The following ANKS1B variants were observed in gnomAD, a reference collection of about 807,000 sequenced individuals.
ANKS1B encodes the protein ankyrin repeat and sterile alpha motif domain-containing protein 1B.
A neutral mutation model predicts 148.3 loss-of-function variants in ANKS1B; 36 were observed. That is an observed-to-expected ratio of 0.24 (90% CI 0.19 to 0.32). The LOEUF (loss-of-function observed/expected upper bound fraction) is 0.32. ANKS1B is among the 10% of genes least tolerant of loss of function. ANKS1B has a pLI of 1.00. For missense variants in ANKS1B, 1,157 were observed against 1,542.6 expected, an observed-to-expected ratio of 0.75 and a Z score of 4.19; for synonymous variants, 542 against 560.8, an observed-to-expected ratio of 0.97 and a Z score of 0.47.
intron 17 of ANKS1B, among the ~76,000 whole-genome samples, chr12:98,839,031 C>T (rs1339443347): frequency 6.6e-6 from 1 of 152,222 alleles, no homozygotes; most frequent in Non-Finnish European, 1.5e-5. Flanking sequence ...TTGACCATGA[C>T]ATTTTTCTCT....
At chr12:99,968,942 T>C (rs976576836) in intron 1 of ANKS1B, among the ~76,000 whole-genome samples, 2 of 152,182 alleles carry the variant, frequency 1.3e-5, no homozygotes, top group Non-Finnish European at 2.9e-5. Context: ...AGGCCTCACC[T>C]GAAGCAGATG....
At chr12:99,127,237 C>T (rs1190470477) in intron 15 of ANKS1B, among the ~76,000 whole-genome samples, 1 of 152,066 alleles carries the variant, frequency 6.6e-6, no homozygotes, top group African/African-American at 2.4e-5. Flanking sequence ...GAGGACCTGC[C>T]CTGGAGATGC....
intron 24 of ANKS1B, among the ~76,000 whole-genome samples, chr12:98,777,182 G>A (rs201040026): frequency 6.6e-6 from 1 of 152,152 alleles, no homozygotes; most frequent in Non-Finnish European, 1.5e-5. Flanking sequence ...AACAGAGTGA[G>A]ACCCTGTCTC....
chr12:99,623,574 T>C (rs1439517163), intron 9 of ANKS1B, among the ~76,000 whole-genome samples: 1 of 151,852 alleles, frequency 6.6e-6, no homozygotes. Context: ...AATTAACATA[T>C]AAAACTTACT....
chr12:99,510,533 A>G (rs189059745), intron 9 of ANKS1B, among the ~76,000 whole-genome samples: 1 of 152,148 alleles, frequency 6.6e-6, no homozygotes, highest in African/African-American at 2.4e-5. Flanking sequence ...GAGCCTGAAT[A>G]TAGGACTGAA....
At chr12:99,317,434 T>C (rs991257816) in intron 12 of ANKS1B, among the ~76,000 whole-genome samples, 1 of 152,236 alleles carries the variant, frequency 6.6e-6, no homozygotes, top group Non-Finnish European at 1.5e-5. Flanking sequence ...CAATTGTGAA[T>C]GGGAGTTCAC....
chr12:99,499,968 C>T (rs1187496439), intron 10 of ANKS1B, among the ~76,000 whole-genome samples: 1 of 151,552 alleles, frequency 6.6e-6, no homozygotes, highest in African/African-American at 2.4e-5. Flanking sequence ...AAAGCCAGTG[C>T]CTGTCAAGCC....
In ANKS1B at chr12:99,667,353, A is replaced by AAAAAAGAAAAGAAAAGAAAAG. The variant is rs1555536431; in HGVS notation, c.1129-12144_1129-12143insCTTTTCTTTTCTTTTCTTTTT. 2.0e-5 allele frequency among the ~76,000 whole-genome samples: 3 copies of AAAAAAGAAAAGAAAAGAAAAG among 148,084 alleles called. No homozygotes were observed. In the East Asian group the frequency reaches 6.1e-4, roughly 30 times the overall value. Reference sequence around the variant, plus strand: ...GACAGAGCGAGACTCTGTCTCAAAAAAAAAGAAAAGAAAAGAAAAGAAAAG... The same window carrying AAAAAAGAAAAGAAAAGAAAAG: ...GACAGAGCGAGACTCTGTCTCAAAAAAAAAAGAAAAGAAAAGAAAAGAAAAGAAAAGAAAAGAAAAGAAAAG... On this transcript the variant is annotated intron_variant, in intron 8 of 26. Transcript: ENST00000683438.
chr12:99,932,878 T>C (rs528776147), intron 1 of ANKS1B, among the ~76,000 whole-genome samples: 2 of 152,278 alleles, frequency 1.3e-5, no homozygotes, highest in East Asian at 3.9e-4. Flanking sequence ...CAAAATTTTC[T>C]TGTACCAATT....
chr12:99,865,157 A>C (rs2090559117), intron 1 of ANKS1B, among the ~76,000 whole-genome samples: 1 of 152,230 alleles, frequency 6.6e-6, no homozygotes, highest in Non-Finnish European at 1.5e-5. Flanking sequence ...TATAAGTTTC[A>C]AAAGTTACAT....
intron 15 of ANKS1B, among the ~76,000 whole-genome samples, chr12:99,106,471 T>C (rs2059246035): frequency 6.6e-6 from 1 of 152,262 alleles, no homozygotes; most frequent in Admixed American, 6.5e-5. Context: ...TGAAAGATAA[T>C]GTTTTAAGAG....
rs187232392 is a variant in ANKS1B at position 99,401,299 on chromosome 12, T to C, written c.1576-1488A>G. ...TCAATGTCCTTTCCACCACATTCTA[T>C]AATAGCAATTAGAAAGGCATGAGCT... On this transcript the variant is annotated intron_variant, in intron 11 of 26. Transcript: ENST00000683438. Among the ~76,000 whole-genome samples the C allele has an allele frequency of 1.7e-4, 25 of 146,340 alleles. 1 individual carries two copies. Among genetic ancestry groups the C allele is most frequent in the Non-Finnish European group, 3.3e-4 (22 of 66,152 alleles).
chr12:99,346,906 G>A (rs2090769604), intron 12 of ANKS1B, among the ~76,000 whole-genome samples: 1 of 151,888 alleles, frequency 6.6e-6, no homozygotes, highest in African/African-American at 2.4e-5. Flanking sequence ...CAAGAGAAAG[G>A]GCCACTGTAA....
intron 11 of ANKS1B, among the ~76,000 whole-genome samples, chr12:99,424,597 T>G (rs1594547382): frequency 6.6e-6 from 1 of 151,010 alleles, no homozygotes; most frequent in East Asian, 1.9e-4. Flanking sequence ...TTTATTTAAT[T>G]TTTTCCTCCT....
At position 99,193,750 on chromosome 12, in the gene ANKS1B, G is replaced by A. The variant is rs56371570; in HGVS notation, c.2420-39355C>T. On this transcript the variant is annotated intron_variant, in intron 14 of 26. Transcript: ENST00000683438. ...TCTCTACTCAGCCACTGAATCTCTG[G>A]GGACCTAGTGTAAGAAGACAGATTT... Among the ~76,000 whole-genome samples the A allele has an allele frequency of 9.1e-3, 1,371 of 150,874 alleles. 33 individuals are homozygous for A. The highest frequency in any genetic ancestry group is 0.055 in the Admixed American group (835 of 15,126).
chr12:98,994,107 T>C (rs1436973499), intron 17 of ANKS1B, among the ~76,000 whole-genome samples: 1 of 152,216 alleles, frequency 6.6e-6, no homozygotes, highest in Non-Finnish European at 1.5e-5. Context: ...TACATATATG[T>C]GGATTCCCAC....
intron 9 of ANKS1B, among the ~76,000 whole-genome samples, chr12:99,548,810 G>T (rs1338384173): frequency 6.6e-6 from 1 of 152,072 alleles, no homozygotes; most frequent in Non-Finnish European, 1.5e-5. Flanking sequence ...ATATCTTAGG[G>T]ATACAGACAT....
At chr12:99,709,735 GAAC>G (rs1330645353) in intron 8 of ANKS1B, among the ~76,000 whole-genome samples, 4 of 152,038 alleles carry the variant, frequency 2.6e-5, no homozygotes, top group African/African-American at 4.8e-5. Context: ...GAGACAAGGG[GAAC>G]AACATTATCA....
At chr12:98,903,827 C>G (rs1475096311) in intron 17 of ANKS1B, among the ~76,000 whole-genome samples, 1 of 152,172 alleles carries the variant, frequency 6.6e-6, no homozygotes, top group Non-Finnish European at 1.5e-5. Context: ...GAAAGAGTCA[C>G]TCAATCAAGG....
Sources: gnomAD v4.1 joint callset for allele counts (sites outside exome capture counted in the v4.1 genomes callset) on GRCh38, gnomAD v4.1.1 for gene constraint, MANE v1.5 for transcripts, NCBI Gene and HGNC (gene_info 2026-07-23, HGNC 2026-07-21) for gene names.